The following PACRGL variants were observed in gnomAD, a reference collection of about 807,000 sequenced individuals.
PACRGL encodes PACRG-like protein.
PACRGL carries 38 observed loss-of-function variants against 34.5 expected under a neutral mutation model. That is an observed-to-expected ratio of 1.10 (90% confidence interval 0.85 to 1.44). The LOEUF (loss-of-function observed/expected upper bound fraction) is 1.44. PACRGL is among the 40% of genes most tolerant of loss of function. The pLI is 0.00. For synonymous variants in PACRGL, 128 were observed against 100.1 expected, an observed-to-expected ratio of 1.28 and a Z score of -1.66; for missense variants, 305 against 281.4, an observed-to-expected ratio of 1.08 and a Z score of -0.60.
At chr4:20,704,398 C>T in intron 1 of PACRGL, 68 bp from the exon 2 acceptor site, 1 of 1,461,978 alleles carries the variant, frequency 6.8e-7, no homozygotes. Context: ...CTGGTTTTGT[C>T]TTTTTATTGA....
chr4:20,697,713 G>A (rs1177242486), upstream of PACRGL, among the ~76,000 whole-genome samples: 3 of 152,100 alleles, frequency 2.0e-5, no homozygotes, highest in East Asian at 1.9e-4. Flanking sequence ...TGGTTCTGGA[G>A]GCTGGAAAGT....
chr4:20,704,940 C>A, intron 3 of PACRGL, 126 bp downstream of exon 3: 1 of 1,058,538 alleles, frequency 9.4e-7, no homozygotes, highest in Non-Finnish European at 1.4e-6. Context: ...GAGAGAAGGG[C>A]ATGTGGTTAT....
At chr4:20,700,238 C>G (rs1157278871), upstream of PACRGL, among the ~76,000 whole-genome samples, 1 of 152,214 alleles carries the variant, frequency 6.6e-6, no homozygotes, top group Non-Finnish European at 1.5e-5. Context: ...GCTCTCCGGA[C>G]CTCTTATTCG....
intron 7 of PACRGL, among the ~76,000 whole-genome samples, chr4:20,723,374 C>T (rs935548392): frequency 6.6e-6 from 1 of 152,106 alleles, no homozygotes; most frequent in African/African-American, 2.4e-5. Context: ...TGAGCAGAAA[C>T]AGGCATGCTC....
At chr4:20,737,300 C>G (rs1360996696), downstream of PACRGL, among the ~76,000 whole-genome samples, 1 of 152,090 alleles carries the variant, frequency 6.6e-6, no homozygotes, top group Admixed American at 6.5e-5. Context: ...CATTTTGCTC[C>G]AAGGTTGGAA....
chr4:20,699,519 A>G (rs1481067829), upstream of PACRGL, among the ~76,000 whole-genome samples: 2 of 152,238 alleles, frequency 1.3e-5, no homozygotes, highest in Non-Finnish European at 2.9e-5. Flanking sequence ...TAAAATCCTT[A>G]TCCTGAGGAA....
chr4:20,703,502 GTGTGTGTGTT>G lies in PACRGL; in HGVS notation c.-16-954_-16-945del, dbSNP rs1429563816. On this transcript the variant is annotated intron_variant, in intron 1 of 8. Transcript: ENST00000503585. ...AGTGTGTGTGTGTGTGTGTGTGTGTGTGTGTGTGTTTGTGTGTGTGTATTTCTTGCTAGAG... is the reference window on the plus strand; with the variant it reads ...AGTGTGTGTGTGTGTGTGTGTGTGTGTGTGTGTGTGTATTTCTTGCTAGAG... Among the ~76,000 whole-genome samples the G allele has an allele frequency of 3.1e-3, 446 of 145,246 alleles. 4 individuals are homozygous for G. The highest frequency in any genetic ancestry group is 0.023 in the East Asian group (102 of 4,368).
chr4:20,737,227 T>C (rs150642602), downstream of PACRGL, among the ~76,000 whole-genome samples: 163 of 152,210 alleles, frequency 1.1e-3, 1 homozygote, highest in African/African-American at 3.8e-3. Flanking sequence ...CAAAGCATCT[T>C]GAAAAGAAGT....
At chr4:20,713,336 C>T (rs1159894287) in intron 6 of PACRGL, 96 bp from the exon 7 acceptor site, 5 of 842,230 alleles carry the variant, frequency 5.9e-6, no homozygotes, top group African/African-American at 5.1e-5. Flanking sequence ...TTATCCTTTT[C>T]TCTACTTGCT....
chr4:20,714,188 TG>T (rs1738664470), intron 7 of PACRGL, among the ~76,000 whole-genome samples: 1 of 152,198 alleles, frequency 6.6e-6, no homozygotes, highest in Admixed American at 6.5e-5. Flanking sequence ...GCTCCTGTAT[TG>T]GGTGCATATA....
rs1211179686 is a variant in PACRGL at position 20,729,283 on chromosome 4, T to TTGTTTGATGCCTTC, written c.*1944_*1957dup. 1 of 152,004 alleles carries TTGTTTGATGCCTTC rather than the reference T, an allele frequency of 6.6e-6. No homozygotes were observed. Among genetic ancestry groups the TTGTTTGATGCCTTC allele is most frequent in the Non-Finnish European group, 1.5e-5 (1 of 68,016 alleles). 9.4% of individuals were successfully genotyped at this position (152,004 alleles called of 1,614,324 possible). ...GCATATGTCTGTAAACATCCTTGTT[T>TTGTTTGATGCCTTC]TGTTTGATGCCTTCTTCAACTTCCA... On this transcript the variant is annotated 3_prime_UTR_variant, in exon 9 of 9. Transcript: ENST00000503585.
chr4:20,748,904 A>G (rs368884986), intron 8 of PACRGL, among the ~76,000 whole-genome samples: 17,100 of 148,866 alleles, frequency 0.11, 1,158 homozygotes, highest in South Asian at 0.19. Context: ...GTATATATAT[A>G]TATATATATA....
chr4:20,704,914 G>T (rs1733858044), intron 3 of PACRGL, 100 bp downstream of exon 3: 5 of 1,348,380 alleles, frequency 3.7e-6, no homozygotes, highest in Non-Finnish European at 5.2e-6. Flanking sequence ...CCCTTTGCTA[G>T]TTTTGAGCTA....
At chr4:20,738,605 T>C (rs896521838) in intron 8 of PACRGL, among the ~76,000 whole-genome samples, 1 of 152,184 alleles carries the variant, frequency 6.6e-6, no homozygotes, top group Non-Finnish European at 1.5e-5. Flanking sequence ...GATTTAAAGA[T>C]AGCACTTTTG....
At chr4:20,717,602 A>T (rs958227576) in intron 7 of PACRGL, among the ~76,000 whole-genome samples, 1 of 152,104 alleles carries the variant, frequency 6.6e-6, no homozygotes, top group Non-Finnish European at 1.5e-5. Context: ...TCCTTTCCCC[A>T]TTGCTTGTTT....
At chr4:20,721,548 G>A (rs1036026355) in intron 7 of PACRGL, among the ~76,000 whole-genome samples, 1 of 152,148 alleles carries the variant, frequency 6.6e-6, no homozygotes, top group Non-Finnish European at 1.5e-5. Context: ...CTAACAGTTG[G>A]GACGCTCAGC....
chr4:20,705,149 G>C (rs1470893676), intron 3 of PACRGL, among the ~76,000 whole-genome samples: 1 of 148,000 alleles, frequency 6.8e-6, no homozygotes, highest in Non-Finnish European at 1.5e-5. Flanking sequence ...TGCTTTTCGT[G>C]CTTCTATAGT....
intron 8 of PACRGL, among the ~76,000 whole-genome samples, chr4:20,739,394 G>A (rs1295010524): frequency 6.6e-6 from 1 of 152,130 alleles, no homozygotes; most frequent in Non-Finnish European, 1.5e-5. Context: ...TCCAGAGGAA[G>A]GATCAGGCAG....
chr4:20,722,454 G>T (rs1578308218), intron 7 of PACRGL, among the ~76,000 whole-genome samples: 1 of 152,170 alleles, frequency 6.6e-6, no homozygotes, highest in African/African-American at 2.4e-5. Flanking sequence ...TTCCTATTCG[G>T]CCATCTTGGA....
Sources: allele counts gnomAD v4.1 joint callset (sites outside exome capture counted in the v4.1 genomes callset), GRCh38; gene constraint gnomAD v4.1.1; transcripts MANE v1.5; gene names NCBI Gene and HGNC (gene_info 2026-07-23, HGNC 2026-07-21).